The following HPS1 variants were observed in gnomAD, a reference collection of about 807,000 sequenced individuals.
The protein encoded by HPS1 is HPS1 biogenesis of lysosomal organelles complex 3 subunit 1, also known as BLOC-3 complex member HPS1.
HPS1 carries 59 observed loss-of-function variants against 90.6 expected under a neutral mutation model. The observed-to-expected ratio is 0.65, with a 90% confidence interval of 0.53 to 0.81. HPS1 has a LOEUF of 0.81. Among genes scored for constraint, HPS1 ranks in the 30% least tolerant of loss-of-function variants. The pLI, the probability that HPS1 is intolerant of heterozygous loss-of-function variation, is 0.00. For missense variants in HPS1, 849 were observed against 896.7 expected (o/e 0.95, Z 0.68); for synonymous variants, 388 against 384.4 (o/e 1.01, Z -0.11).
At chr10:98,429,694 C>T (rs778564927) in intron 9 of HPS1, 52 bp from the exon 10 acceptor site, 8 of 1,614,066 alleles carry the variant, frequency 5.0e-6, no homozygotes, top group Non-Finnish European at 6.8e-6. Context: ...CTGGCTCAAC[C>T]CTGTCCCTGC....
At chr10:98,434,617 A>C (rs1286384351) in intron 5 of HPS1, among the ~76,000 whole-genome samples, 2 of 151,982 alleles carry the variant, frequency 1.3e-5, no homozygotes, top group Non-Finnish European at 2.9e-5. Context: ...GTAGTTGCTC[A>C]TATCGCCACA....
rs562053867 is a variant in HPS1, at chr10:98,428,307, C to T, written c.938-1043G>A. Among the ~76,000 whole-genome samples, 145 of 152,336 alleles carry T rather than the reference C, an allele frequency of 9.5e-4. 1 individual carries two copies. The South Asian group carries it at 0.011, about 12-fold the overall frequency. On this transcript the variant is annotated intron_variant, in intron 10 of 19. Transcript: ENST00000361490. ...TTTGGGGACTTTTACAAAATCCTGA[C>T]GCCCAGGGCATAGCTCAGACCAACT... is the stretch of plus-strand genomic sequence containing the variant.
At chr10:98,418,330 C>T (rs1006266155) in intron 18 of HPS1, 73 bp from the exon 19 acceptor site, 8 of 818,496 alleles carry the variant, frequency 9.8e-6, no homozygotes, top group East Asian at 2.6e-5. Flanking sequence ...ACCGGGCTTG[C>T]GGCCTGGCTT....
At chr10:98,428,186 C>T (rs1845863708) in intron 10 of HPS1, among the ~76,000 whole-genome samples, 1 of 152,202 alleles carries the variant, frequency 6.6e-6, no homozygotes, top group Non-Finnish European at 1.5e-5. Flanking sequence ...TCAGTGAGTT[C>T]ACACACAGTC....
chr10:98,437,149 A>G (rs1847456716), intron 3 of HPS1, among the ~76,000 whole-genome samples: 1 of 152,148 alleles, frequency 6.6e-6, no homozygotes, highest in South Asian at 2.1e-4. Flanking sequence ...TTCACTGTAC[A>G]ATGTCCTTCT....
Position 98,423,838 on chromosome 10 carries a change from G to A in HPS1, c.1447C>T (p.Arg483Trp), listed in dbSNP as rs755120094. The change falls in exon 15 of 20, where the codon CGG (arginine) becomes TGG (tryptophan). Residue 483 changes from arginine (R) to tryptophan (W), a missense_variant. Arg to Trp is a moderately radical substitution (Grantham distance 101). Transcript: ENST00000361490. ...GGGGCTGTGGTCAGAAAGTTCAGCC[G>A]GTAGATGGCGCAGAGCTGCCGCTTC... ...KLKRQLCAIY[R>W]LNFLTTAPSR... is the part of the protein sequence containing the mutation. 46 of 1,613,796 alleles carry A rather than the reference G, an allele frequency of 2.9e-5. No homozygotes were observed. Among genetic ancestry groups the A allele is most frequent in the Middle Eastern group, 1.7e-4 (1 of 6,040 alleles).
intron 3 of HPS1, among the ~76,000 whole-genome samples, chr10:98,441,580 C>T (rs577137227): frequency 8.2e-4 from 125 of 152,252 alleles, no homozygotes; most frequent in Middle Eastern, 3.4e-3. Flanking sequence ...ACACAAGCCA[C>T]AAACTGAAAG....
chr10:98,443,469 A>G (rs1355085758), intron 2 of HPS1, among the ~76,000 whole-genome samples: 1 of 152,246 alleles, frequency 6.6e-6, no homozygotes, highest in African/African-American at 2.4e-5. Flanking sequence ...TGAAGTGGCA[A>G]AGCTGGGATC....
chr10:98,436,441 T>C (rs917970698), intron 3 of HPS1, among the ~76,000 whole-genome samples: 1 of 152,210 alleles, frequency 6.6e-6, no homozygotes, highest in Admixed American at 6.5e-5. Flanking sequence ...GCCAACACTA[T>C]TAAAGTTACT....
rs11591555 is a variant in HPS1 at position 98,433,758 on chromosome 10, G to A, written c.507+225C>T. On this transcript the variant is annotated intron_variant, in intron 6 of 19. Transcript: ENST00000361490. ...GTAATTTACAGTGAACCCAAAAATT[G>A]CATTAAAAGTATGTGTTATCCAGGA... 0.13 allele frequency among the ~76,000 whole-genome samples: 19,545 copies of A among 152,238 alleles called. 1,524 individuals are homozygous for A. Among genetic ancestry groups the A allele is most frequent in the South Asian group, 0.22 (1,048 of 4,826 alleles).
rs1226654138 is a variant in HPS1, at chr10:98,417,263, C to T, written c.*301G>A. On this transcript the variant is annotated 3_prime_UTR_variant, in exon 20 of 20. Transcript: ENST00000361490. This position sits in a 1 kb window ranked among gnomAD's most constrained non-coding sequence, Gnocchi z 4.2. The stretch of plus-strand genomic sequence containing the variant: ...GCAGGGAACAGCAGAGATGGGGCTT[C>T]CTCCCCATCTCCCAGGATAAAGGCA... 1 of 280,694 alleles carries T rather than the reference C, an allele frequency of 3.6e-6. No homozygotes were observed. The highest frequency in any genetic ancestry group is 2.2e-5 in the African/African-American group (1 of 45,278). The allele number at this position is 280,694 out of a possible 1,614,324, so 17.4% of individuals were successfully genotyped here. A position where few individuals can be genotyped will look rare whatever the true frequency, so the allele number is the denominator to read the frequency against.
In HPS1 at chr10:98,417,814, T is replaced by C; in HGVS notation, c.1941-88A>G. The C allele has an allele frequency of 7.9e-7, 1 of 1,269,558 alleles. No homozygotes were observed. Among genetic ancestry groups the C allele is most frequent in the South Asian group, 1.2e-5 (1 of 81,054 alleles). 78.6% of individuals were successfully genotyped at this position (1,269,558 alleles called of 1,614,324 possible). ...GCCTCTCTGGGCCCTCGCAAGCAAA[T>C]GCCCATGCCCTCGGTCATCTCACTA... On this transcript the variant is annotated intron_variant, in intron 19 of 19. Transcript: ENST00000361490. The surrounding 1 kb of genome is among the most constrained non-coding windows in gnomAD (Gnocchi z 4.2).
At chr10:98,441,462 G>A (rs1938408074) in intron 3 of HPS1, among the ~76,000 whole-genome samples, 1 of 152,114 alleles carries the variant, frequency 6.6e-6, no homozygotes, top group Admixed American at 6.5e-5. Flanking sequence ...TTGTAAGTTG[G>A]GCAAAGATTT....
intron 6 of HPS1, among the ~76,000 whole-genome samples, chr10:98,432,765 G>A (rs1224574012): frequency 3.3e-5 from 5 of 152,142 alleles, no homozygotes; most frequent in African/African-American, 4.8e-5. Flanking sequence ...ATCTAAATCT[G>A]TTGGTGATTG....
chr10:98,417,534 G>T lies in HPS1; in HGVS notation c.*30C>A, dbSNP rs1314055121. On this transcript the variant is annotated 3_prime_UTR_variant, in exon 20 of 20. Transcript: ENST00000361490. The surrounding 1 kb of genome is among the most constrained non-coding windows in gnomAD (Gnocchi z 4.2). The stretch of plus-strand genomic sequence containing the variant: ...GCAAGCAAGGGTGGCTGGAGGACAG[G>T]ATGCAAAGGCAGACTGCGGCCACCT... 1.3e-6 allele frequency: 2 copies of T among 1,594,144 alleles called. No individual in the cohort carries two copies. The highest frequency in any genetic ancestry group is 1.7e-6 in the Non-Finnish European group (2 of 1,168,284).
intron 6 of HPS1, 62 bp downstream of exon 6, chr10:98,433,921 G>C: frequency 1.3e-6 from 2 of 1,546,384 alleles, no homozygotes; most frequent in Non-Finnish European, 1.7e-6. Context: ...TGGTCTTAAA[G>C]GTGGACGCCC....
intron 8 of HPS1, 62 bp downstream of exon 8, chr10:98,430,509 A>T: frequency 7.7e-7 from 1 of 1,300,546 alleles, no homozygotes; most frequent in Non-Finnish European, 1.1e-6. Flanking sequence ...CACCATCTTC[A>T]GGCAGGTTTT....
downstream of HPS1, among the ~76,000 whole-genome samples, chr10:98,415,349 C>T (rs908492976): frequency 1.3e-5 from 2 of 152,238 alleles, no homozygotes; most frequent in South Asian, 2.1e-4. Context: ...ATTAACCAGG[C>T]GGTGTCACCT....
At chr10:98,422,236 G>A (rs1484570492) in intron 17 of HPS1, 133 bp downstream of exon 17, 9 of 901,194 alleles carry the variant, frequency 1.0e-5, no homozygotes, top group Admixed American at 1.9e-5. Context: ...TATTTATGCC[G>A]GCACTGGCCA....
Sources: gnomAD v4.1 joint callset for allele counts (sites outside exome capture counted in the v4.1 genomes callset) on GRCh38, gnomAD v4.1.1 for gene constraint, Gnocchi (gnomAD v3.1) non-coding constraint, MANE v1.5 for transcripts, NCBI Gene and HGNC (gene_info 2026-07-23, HGNC 2026-07-21) for gene names.